TEAD1: variants seen among roughly 807,000 people sequenced by gnomAD.
TEAD1 encodes the protein transcriptional enhancer factor TEF-1.
In TEAD1, 9 loss-of-function variants were observed where a neutral mutation model predicts 54.9. That is an observed-to-expected ratio of 0.16 (90% CI 0.10 to 0.29). The LOEUF (loss-of-function observed/expected upper bound fraction) is 0.29. TEAD1 is among the 10% of genes least tolerant of loss of function. The pLI, the probability that TEAD1 is intolerant of heterozygous loss-of-function variation, is 1.00. For missense variants in TEAD1, 387 were observed against 535.9 expected (o/e 0.72, Z 2.74); for synonymous variants, 200 against 187.8 (o/e 1.07, Z -0.53).
chr11:12,887,680 T>TA (rs2134107503), intron 9 of TEAD1, among the ~76,000 whole-genome samples: 1 of 152,362 alleles, frequency 6.6e-6, no homozygotes, highest in South Asian at 2.1e-4. Context: ...CTTTGGCTCT[T>TA]AGAGTTTTTG....
intron 2 of TEAD1, among the ~76,000 whole-genome samples, chr11:12,723,615 A>T (rs1382127091): frequency 6.6e-6 from 1 of 151,996 alleles, no homozygotes; most frequent in Admixed American, 6.6e-5. Context: ...TCCCTCTACC[A>T]TCCCCCCATT....
chr11:12,880,476 G>T (rs1250708039), intron 6 of TEAD1, among the ~76,000 whole-genome samples: 1 of 152,034 alleles, frequency 6.6e-6, no homozygotes, highest in Non-Finnish European at 1.5e-5. Flanking sequence ...GACTCCTGAG[G>T]CTGCTCTTTC....
At chr11:12,719,523 A>C (rs904643207) in intron 2 of TEAD1, among the ~76,000 whole-genome samples, 1 of 120,690 alleles carries the variant, frequency 8.3e-6, no homozygotes, top group Non-Finnish European at 1.6e-5. Flanking sequence ...ACTCCAGATG[A>C]CTTTCCAGCA....
At chr11:12,884,882 C>G (rs1182907557) in intron 9 of TEAD1, among the ~76,000 whole-genome samples, 2 of 152,198 alleles carry the variant, frequency 1.3e-5, no homozygotes, top group Non-Finnish European at 2.9e-5. Context: ...GTGACTCTGT[C>G]CTGCTGGTTC....
chr11:12,693,580 C>G (rs964095692), intron 2 of TEAD1, among the ~76,000 whole-genome samples: 1 of 152,226 alleles, frequency 6.6e-6, no homozygotes, highest in Admixed American at 6.5e-5. Flanking sequence ...GCTGTTAAGT[C>G]GCAGCCCATG....
chr11:12,921,834 A>G (rs907742268), intron 10 of TEAD1, among the ~76,000 whole-genome samples: 1 of 152,088 alleles, frequency 6.6e-6, no homozygotes, highest in African/African-American at 2.4e-5. Flanking sequence ...TCAGATGCTG[A>G]TCTCATTTAG....
intron 3 of TEAD1, among the ~76,000 whole-genome samples, chr11:12,782,227 C>T (rs138378379): frequency 5.5e-4 from 83 of 151,964 alleles, no homozygotes; most frequent in African/African-American, 1.5e-3. Flanking sequence ...CTGATGACTG[C>T]GTAAATAAAA....
At position 12,747,000 on chromosome 11, in the gene TEAD1, A is replaced by G. The variant is rs141439325; in HGVS notation, c.-54-17179A>G. Among the ~76,000 whole-genome samples the G allele has an allele frequency of 1.2e-4, 18 of 152,352 alleles. No homozygotes were observed. The East Asian group carries it at 3.5e-3, about 29-fold the overall frequency. On this transcript the variant is annotated intron_variant, in intron 2 of 12. Transcript: ENST00000527636. ...AAAGGTGGAGTTGGTTGTTGAGGCC[A>G]CAGACCAGGTAGTCAGGGTGTTTGG... is the stretch of plus-strand genomic sequence containing the variant.
At chr11:12,923,443 T>A (rs1278594759) in intron 10 of TEAD1, among the ~76,000 whole-genome samples, 1 of 152,166 alleles carries the variant, frequency 6.6e-6, no homozygotes, top group Non-Finnish European at 1.5e-5. Flanking sequence ...TGGTGCTTAG[T>A]TCCGTGTGGT....
chr11:12,850,297 G>A (rs549149528), intron 3 of TEAD1, among the ~76,000 whole-genome samples: 16 of 152,268 alleles, frequency 1.1e-4, no homozygotes, highest in African/African-American at 3.4e-4. Context: ...TTAGCCTGGC[G>A]TGGTGGCTCA....
intron 3 of TEAD1, among the ~76,000 whole-genome samples, chr11:12,802,077 G>A (rs1946070384): frequency 6.6e-6 from 1 of 152,150 alleles, no homozygotes; most frequent in Admixed American, 6.5e-5. Flanking sequence ...TCACACTTGA[G>A]TTTAAGTATT....
chr11:12,692,887 T>A (rs1305551954), intron 2 of TEAD1, among the ~76,000 whole-genome samples: 2 of 152,228 alleles, frequency 1.3e-5, no homozygotes, highest in Non-Finnish European at 2.9e-5. Flanking sequence ...CAACTGTTCT[T>A]ACTGCTTCCT....
chr11:12,689,530 G>A (rs1003342503), intron 2 of TEAD1, among the ~76,000 whole-genome samples: 1 of 152,110 alleles, frequency 6.6e-6, no homozygotes, highest in African/African-American at 2.4e-5. Context: ...GCTGACTCGC[G>A]GAGAAGTGTC....
At chr11:12,758,405 G>GTT (rs1200374096) in intron 2 of TEAD1, among the ~76,000 whole-genome samples, 995 of 85,546 alleles carry the variant, frequency 0.012, 18 homozygotes, top group Middle Eastern at 0.031. Flanking sequence ...CGCCCAGCTA[G>GTT]TTTTTTTTTT....
chr11:12,714,242 A>G (rs1207892387), intron 2 of TEAD1, among the ~76,000 whole-genome samples: 1 of 152,134 alleles, frequency 6.6e-6, no homozygotes, highest in Non-Finnish European at 1.5e-5. Flanking sequence ...AAGCCTCCCA[A>G]GCAGTGGCCC....
rs150544108 is a variant in TEAD1, at chr11:12,903,190, C to T, written c.873+1077C>T. ...TCAGCTCCACCTAGGAAAAAAGGCT[C>T]GTAGATCACCAGAGACAGGCTTGTA... On this transcript the variant is annotated intron_variant, in intron 10 of 12. Coordinates refer to ENST00000527636, the MANE Select transcript of TEAD1 (RefSeq NM_021961.6). Among the ~76,000 whole-genome samples the T allele has an allele frequency of 1.0e-3, 154 of 152,282 alleles. 1 individual carries two copies. The highest frequency in any genetic ancestry group is 3.6e-3 in the African/African-American group (149 of 41,540).
chr11:12,828,692 TA>T (rs769938469), intron 3 of TEAD1, among the ~76,000 whole-genome samples: 15 of 136,312 alleles, frequency 1.1e-4, no homozygotes, highest in Admixed American at 2.2e-4. Context: ...TTTTTTTTTT[TA>T]AATGGTACCT....
rs117964954 is a variant in TEAD1 at position 12,700,928 on chromosome 11, G to A, written c.-55+25367G>A. Among the ~76,000 whole-genome samples the A allele has an allele frequency of 2.3e-3, 353 of 152,264 alleles. 3 individuals carry two copies. Among genetic ancestry groups the A allele is most frequent in the Non-Finnish European group, 3.9e-3 (265 of 68,020 alleles). ...GATTTTGTGGTCCTCCCCTTAGCTC[G>A]CTGTGATGGTCGGTGAGAGAGATTA... is the stretch of plus-strand genomic sequence containing the variant. On this transcript the variant is annotated intron_variant, in intron 2 of 12. Transcript: ENST00000527636.
intron 2 of TEAD1, among the ~76,000 whole-genome samples, chr11:12,720,888 T>G (rs1944181538): frequency 6.6e-6 from 1 of 152,196 alleles, no homozygotes; most frequent in South Asian, 2.1e-4. Flanking sequence ...AATGTGACTC[T>G]CTGACCATGA....
Sources: allele counts gnomAD v4.1 joint callset (sites outside exome capture counted in the v4.1 genomes callset), GRCh38; gene constraint gnomAD v4.1.1; transcripts MANE v1.5; gene names NCBI Gene and HGNC (gene_info 2026-07-23, HGNC 2026-07-21).